TAS2R1: variants seen among roughly 807,000 people sequenced by gnomAD.
The protein encoded by TAS2R1 is taste 2 receptor member 1, also known as taste receptor type 2 member 1.
For synonymous variants in TAS2R1, 141 were observed against 134.2 expected, an observed-to-expected ratio of 1.05 and a Z score of -0.35; for missense variants, 370 against 353.4, an observed-to-expected ratio of 1.05 and a Z score of -0.38.
chr5:9,876,227 G>A, the TAS2R1 span, among the ~76,000 whole-genome samples: 9 of 143,272 alleles, frequency 6.3e-5, no homozygotes, highest in African/African-American at 1.0e-4. Flanking sequence ...AGGAAAGGAC[G>A]ACAAACCAAA....
At chr5:9,692,809 CTT>C (rs1159838127) in intron 1 of TAS2R1, among the ~76,000 whole-genome samples, 1 of 152,206 alleles carries the variant, frequency 6.6e-6, no homozygotes, top group Non-Finnish European at 1.5e-5. Context: ...CTGATCTCCT[CTT>C]TGTAGATAAG....
chr5:9,818,824 G>A, the TAS2R1 span, among the ~76,000 whole-genome samples: 1 of 152,160 alleles, frequency 6.6e-6, no homozygotes, highest in Admixed American at 6.5e-5. Flanking sequence ...TGGGACACAA[G>A]GAGGGGAAAC....
chr5:9,803,180 C>T, the TAS2R1 span, among the ~76,000 whole-genome samples: 1 of 152,128 alleles, frequency 6.6e-6, no homozygotes, highest in African/African-American at 2.4e-5. Flanking sequence ...GAAATTAATT[C>T]AATTCATTTA....
the TAS2R1 span, chr5:9,761,075 A>T: frequency 6.6e-6 from 1 of 152,212 alleles, no homozygotes. Context: ...CTTGGAGCTA[A>T]TAAGAGAATA....
At chr5:9,845,704 A>T in the TAS2R1 span, among the ~76,000 whole-genome samples, 535 of 152,374 alleles carry the variant, frequency 3.5e-3, 3 homozygotes, top group African/African-American at 0.012. Flanking sequence ...TCTATTTGCA[A>T]ATTGAGCCTA....
At chr5:9,847,624 A>C in the TAS2R1 span, among the ~76,000 whole-genome samples, 1 of 152,236 alleles carries the variant, frequency 6.6e-6, no homozygotes, top group Admixed American at 6.5e-5. Context: ...GTCACATGGA[A>C]GCTTTGGAGC....
the TAS2R1 span, among the ~76,000 whole-genome samples, chr5:9,740,098 CTG>C: frequency 6.6e-6 from 1 of 152,160 alleles, no homozygotes; most frequent in Non-Finnish European, 1.5e-5. Context: ...TGGTGATAGA[CTG>C]TAACCAAAAC....
chr5:9,650,622 T>C (rs893669774), intron 2 of TAS2R1, among the ~76,000 whole-genome samples: 4 of 152,126 alleles, frequency 2.6e-5, no homozygotes, highest in African/African-American at 9.7e-5. Flanking sequence ...CATTCCTTCT[T>C]CCAGAATCAC....
At chr5:9,840,833 T>TTTATTTA in the TAS2R1 span, among the ~76,000 whole-genome samples, 6 of 77,476 alleles carry the variant, frequency 7.7e-5, no homozygotes, top group African/African-American at 2.7e-4. Flanking sequence ...TTTCATTTTA[T>TTTATTTA]TTTATTTATT....
At chr5:9,740,214 C>G in the TAS2R1 span, among the ~76,000 whole-genome samples, 2 of 152,162 alleles carry the variant, frequency 1.3e-5, no homozygotes, top group Admixed American at 1.3e-4. Context: ...GTGTTCTAGA[C>G]TTTAGAATTT....
chr5:9,741,061 T>A, the TAS2R1 span, among the ~76,000 whole-genome samples: 15 of 152,310 alleles, frequency 9.8e-5, no homozygotes, highest in South Asian at 1.9e-3. Context: ...GAATTAGGTA[T>A]TTCTCTCTTC....
intron 2 of TAS2R1, among the ~76,000 whole-genome samples, chr5:9,640,690 C>G (rs1216619191): frequency 2.6e-5 from 4 of 152,054 alleles, no homozygotes; most frequent in Non-Finnish European, 5.9e-5. Context: ...GTTAACCCAC[C>G]TGCGCCCTGC....
intron 2 of TAS2R1, among the ~76,000 whole-genome samples, chr5:9,635,381 C>T (rs995432193): frequency 1.3e-5 from 2 of 152,104 alleles, no homozygotes; most frequent in African/African-American, 4.8e-5. Flanking sequence ...CATCTACTTT[C>T]ATCAGGGATA....
At chr5:9,857,982 G>T in the TAS2R1 span, among the ~76,000 whole-genome samples, 4 of 152,104 alleles carry the variant, frequency 2.6e-5, no homozygotes, top group East Asian at 7.7e-4. Flanking sequence ...GCCATGGGGG[G>T]TATTCTAGGG....
the TAS2R1 span, among the ~76,000 whole-genome samples, chr5:9,863,373 G>A: frequency 2.1e-4 from 31 of 150,254 alleles, no homozygotes; most frequent in African/African-American, 7.6e-4. Context: ...CTGGGTTCAC[G>A]CCATTCTCCT....
chr5:9,782,573 G>A, the TAS2R1 span, among the ~76,000 whole-genome samples: 1 of 152,208 alleles, frequency 6.6e-6, no homozygotes, highest in Non-Finnish European at 1.5e-5. Flanking sequence ...CACCAAGCCA[G>A]GCATTGTTTT....
chr5:9,698,928 T>C (rs11744711), intron 1 of TAS2R1, among the ~76,000 whole-genome samples: 33,535 of 152,192 alleles, frequency 0.22, 4,276 homozygotes, highest in Non-Finnish European at 0.29. Flanking sequence ...ATATAAAGCA[T>C]ATAGCGTATC....
At chr5:9,827,297 C>T in the TAS2R1 span, among the ~76,000 whole-genome samples, 55 of 152,272 alleles carry the variant, frequency 3.6e-4, no homozygotes, top group African/African-American at 1.3e-3. Context: ...ACCTGCAACA[C>T]GACATCGCTG....
the TAS2R1 span, among the ~76,000 whole-genome samples, chr5:9,755,388 G>T: frequency 3.9e-5 from 6 of 152,066 alleles, no homozygotes; most frequent in African/African-American, 1.2e-4. Flanking sequence ...AGGAGTTTGG[G>T]ACCAGCCTGG....
Sources: gnomAD v4.1 joint callset for allele counts (sites outside exome capture counted in the v4.1 genomes callset) on GRCh38, gnomAD v4.1.1 for gene constraint, MANE v1.5 for transcripts, NCBI Gene and HGNC (gene_info 2026-07-23, HGNC 2026-07-21) for gene names.